CLTCL1: variants seen among roughly 807,000 people sequenced by gnomAD.
The protein encoded by CLTCL1 is clathrin heavy chain like 1, also known as clathrin heavy chain 2.
A neutral mutation model predicts 190.0 loss-of-function variants in CLTCL1; 159 were observed. The ratio of observed to expected loss-of-function variants is 0.84; its 90% CI spans 0.74 to 0.95. The LOEUF (loss-of-function observed/expected upper bound fraction) is 0.95, where lower values mean the gene tolerates loss of function less well. Ranked by LOEUF, CLTCL1 falls within the 40% of genes least tolerant of loss-of-function variation. The pLI, the probability that CLTCL1 is intolerant of heterozygous loss-of-function variation, is 0.00. For missense variants in CLTCL1, 1,878 were observed against 2,033.4 expected, an observed-to-expected ratio of 0.92 and a Z score of 1.47; for synonymous variants, 752 against 769.6, an observed-to-expected ratio of 0.98 and a Z score of 0.38.
intron 2 of CLTCL1, among the ~76,000 whole-genome samples, chr22:19,269,293 G>A (rs1379040369): frequency 1.3e-5 from 2 of 152,006 alleles, no homozygotes; most frequent in African/African-American, 4.8e-5. Context: ...CCAGCTACTT[G>A]GGAGGCTGAG....
chr22:19,262,702 T>C (rs949754706), intron 2 of CLTCL1, among the ~76,000 whole-genome samples: 13 of 150,282 alleles, frequency 8.7e-5, no homozygotes, highest in Middle Eastern at 7.3e-3. Context: ...TCAGCAGCCA[T>C]TGGCATCAAG....
At chr22:19,236,899 A>T (rs2086098358) in intron 5 of CLTCL1, among the ~76,000 whole-genome samples, 1 of 152,196 alleles carries the variant, frequency 6.6e-6, no homozygotes, top group African/African-American at 2.4e-5. Context: ...AAGAGTAAAG[A>T]ACTGAATTTC....
intron 29 of CLTCL1, chr22:19,184,328 C>A (rs1329878867): frequency 5.2e-6 from 2 of 383,542 alleles, no homozygotes; most frequent in Non-Finnish European, 1.1e-5. Context: ...TGACTGTGAC[C>A]TGTGCTCTCC....
At chr22:19,244,570 G>A (rs193284940) in intron 3 of CLTCL1, among the ~76,000 whole-genome samples, 106 of 152,304 alleles carry the variant, frequency 7.0e-4, no homozygotes, top group African/African-American at 2.5e-3. Context: ...AAGACTTCCA[G>A]CAACATGATG....
At chr22:19,222,169 G>T in intron 15 of CLTCL1, 76 bp from the exon 16 acceptor site, 1 of 1,506,582 alleles carries the variant, frequency 6.6e-7, no homozygotes, top group Non-Finnish European at 9.1e-7. Context: ...GACGTGGACA[G>T]TTTGGGCAAA....
intron 26 of CLTCL1, 131 bp downstream of exon 26, chr22:19,196,135 C>T (rs2084695010): frequency 3.4e-6 from 3 of 879,592 alleles, no homozygotes; most frequent in Non-Finnish European, 5.2e-6. Flanking sequence ...GTGGTGGACT[C>T]ATACAAGTGA....
chr22:19,215,326 T>C (rs1380940016), intron 19 of CLTCL1, among the ~76,000 whole-genome samples: 2 of 152,256 alleles, frequency 1.3e-5, no homozygotes, highest in African/African-American at 4.8e-5. Flanking sequence ...CTTTCTGGCC[T>C]ACAAAATAAA....
At chr22:19,232,974 T>C (rs1175100435) in intron 9 of CLTCL1, among the ~76,000 whole-genome samples, 192 bp downstream of exon 9, 4 of 152,104 alleles carry the variant, frequency 2.6e-5, no homozygotes, top group African/African-American at 9.7e-5. Context: ...ATGGAAGGAC[T>C]GGAAAACTAA....
chr22:19,271,448 TAAA>T (rs565939348), intron 2 of CLTCL1, among the ~76,000 whole-genome samples: 1 of 151,888 alleles, frequency 6.6e-6, no homozygotes, highest in African/African-American at 2.4e-5. Context: ...AAGGAGCAGT[TAAA>T]AAAAAGTGTG....
chr22:19,246,092 C>T (rs9605962), intron 3 of CLTCL1, among the ~76,000 whole-genome samples: 58,325 of 151,962 alleles, frequency 0.38, 12,102 homozygotes, highest in South Asian at 0.54. Context: ...TGGAGTCTCC[C>T]TCTGTCATTT....
chr22:19,183,817 G>A, intron 29 of CLTCL1: 1 of 593,744 alleles, frequency 1.7e-6, no homozygotes, highest in Non-Finnish European at 3.0e-6. Flanking sequence ...GGCTCTGGAG[G>A]GGACAGGTGG....
chr22:19,250,745 G>A (rs1444692899), intron 3 of CLTCL1, among the ~76,000 whole-genome samples: 2 of 151,074 alleles, frequency 1.3e-5, no homozygotes, highest in African/African-American at 4.9e-5. Flanking sequence ...GTAAAAAATG[G>A]GTTTTGCCAT....
chr22:19,290,949 G>C (rs1221922990), intron 1 of CLTCL1, among the ~76,000 whole-genome samples: 1 of 152,140 alleles, frequency 6.6e-6, no homozygotes, highest in Non-Finnish European at 1.5e-5. Context: ...GACCAGCACC[G>C]CTCCCGGGCA....
intron 4 of CLTCL1, among the ~76,000 whole-genome samples, chr22:19,239,973 G>T (rs2086200623): frequency 1.3e-5 from 2 of 148,554 alleles, no homozygotes; most frequent in Non-Finnish European, 1.5e-5. Context: ...TTTTAAGATG[G>T]AGTCTCGCTC....
intron 3 of CLTCL1, among the ~76,000 whole-genome samples, chr22:19,250,330 C>CTTT (rs35580449): frequency 7.9e-6 from 1 of 125,942 alleles, no homozygotes; most frequent in Non-Finnish European, 1.7e-5. Context: ...CTCATCTGTT[C>CTTT]TTTTTTTTTT....
At chr22:19,275,571 A>C in intron 2 of CLTCL1, 52 bp downstream of exon 2, 18 of 1,498,222 alleles carry the variant, frequency 1.2e-5, no homozygotes, top group Non-Finnish European at 1.5e-5. Context: ...TTAAGGTAAC[A>C]AAGCAGTTAA....
chr22:19,258,857 C>A, intron 2 of CLTCL1: 1 of 535,830 alleles, frequency 1.9e-6, no homozygotes, highest in East Asian at 3.5e-5. Context: ...GTAAAAAGTT[C>A]ACAGGTTAAA....
rs574036310 is a variant in CLTCL1, at chr22:19,255,888, C to T, written c.251-1661G>A. ...TTGTGCCACTGCACTCTAGCCTGAC[C>T]GACAGAGTAAGACTCTGTCTCAAAA... On this transcript the variant is annotated intron_variant, in intron 2 of 32. Coordinates refer to ENST00000427926, the MANE Select transcript of CLTCL1 (RefSeq NM_007098.4). Among the ~76,000 whole-genome samples the T allele has an allele frequency of 2.8e-3, 405 of 146,926 alleles. 5 individuals carry two copies. Among genetic ancestry groups the T allele is most frequent in the African/African-American group, 9.6e-3 (379 of 39,666 alleles).
chr22:19,253,337 C>A (rs1231058400), intron 3 of CLTCL1, among the ~76,000 whole-genome samples: 1 of 152,142 alleles, frequency 6.6e-6, no homozygotes, highest in Admixed American at 6.5e-5. Flanking sequence ...GGCCAGCTGA[C>A]CGCCCATTTC....
Sources: gnomAD v4.1 joint callset for allele counts (sites outside exome capture counted in the v4.1 genomes callset) on GRCh38, gnomAD v4.1.1 for gene constraint, MANE v1.5 for transcripts, NCBI Gene and HGNC (gene_info 2026-07-23, HGNC 2026-07-21) for gene names.